AKAIN1: variants seen among roughly 807,000 people sequenced by gnomAD.
AKAIN1 encodes A-kinase anchor protein inhibitor 1.
In AKAIN1, 3 loss-of-function variants were observed where a neutral mutation model predicts 3.7. That is an observed-to-expected ratio of 0.82 (90% CI 0.37 to 2.12). The LOEUF (loss-of-function observed/expected upper bound fraction) is 2.12, where lower values mean the gene tolerates loss of function less well. AKAIN1 is among the 30% of genes most tolerant of loss of function. AKAIN1 has a pLI of 0.06. For missense variants in AKAIN1, 82 were observed against 82.7 expected (o/e 0.99, Z 0.03); for synonymous variants, 31 against 30.8 (o/e 1.01, Z -0.02).
rs2071352272 is a variant in AKAIN1 at position 5,197,043 on chromosome 18, G to A, written c.11C>T (p.Ala4Val). 3 of 1,551,032 alleles carry A rather than the reference G, an allele frequency of 1.9e-6. No homozygotes were observed. In the African/African-American group the frequency reaches 4.1e-5, roughly 21 times the overall value. ...AAAAGCAAGGTGCGGTGTACCTGGA[G>A]CGAACACCATGATTTCTTCCAGCCG... MVF[A>V]PGEKPGNEPE... Residue 4 changes from alanine (A) to valine (V), a missense_variant, in exon 1 of 2, where the codon GCT becomes GTT. Physicochemically the swap from Ala to Val is moderately conservative, Grantham distance 64. Coordinates refer to ENST00000434239, the MANE Select transcript of AKAIN1 (RefSeq NM_001145194.2). The surrounding 1 kb of genome is among the most constrained non-coding windows in gnomAD (Gnocchi z 6.9).
chr18:5,178,128 A>T (rs1053228317), intron 1 of AKAIN1, among the ~76,000 whole-genome samples: 10 of 152,080 alleles, frequency 6.6e-5, no homozygotes, highest in African/African-American at 2.2e-4. Context: ...GTTTTGGAGG[A>T]CTGTACATCA....
chr18:5,159,984 C>A (rs912639651), intron 1 of AKAIN1, among the ~76,000 whole-genome samples: 1 of 152,170 alleles, frequency 6.6e-6, no homozygotes, highest in Non-Finnish European at 1.5e-5. Context: ...AATGAATAGA[C>A]CACAATGTTT....
intron 1 of AKAIN1, among the ~76,000 whole-genome samples, chr18:5,169,025 A>C (rs933470034): frequency 5.9e-5 from 9 of 151,956 alleles, no homozygotes; most frequent in Non-Finnish European, 1.2e-4. Context: ...GTGTTTGTGA[A>C]GGATGGCAAG....
intron 1 of AKAIN1, among the ~76,000 whole-genome samples, chr18:5,149,098 GC>G (rs2071065650): frequency 6.6e-6 from 1 of 152,132 alleles, no homozygotes; most frequent in African/African-American, 2.4e-5. Flanking sequence ...GTTTAGGCTT[GC>G]TCCTAGAAAA....
chr18:5,146,506 C>A (rs1480539545), intron 1 of AKAIN1, among the ~76,000 whole-genome samples: 2 of 152,214 alleles, frequency 1.3e-5, no homozygotes, highest in Non-Finnish European at 2.9e-5. Context: ...GTGTATATAA[C>A]CTCGCTGGGG....
chr18:5,170,649 C>T (rs2071192129), intron 1 of AKAIN1: 1 of 152,134 alleles, frequency 6.6e-6, no homozygotes, highest in African/African-American at 2.4e-5. Flanking sequence ...AGCAATATGC[C>T]TGTTTTCCCA....
intron 1 of AKAIN1, among the ~76,000 whole-genome samples, chr18:5,192,401 C>CTTTCTTTA (rs2071324685): frequency 1.8e-5 from 2 of 110,466 alleles, no homozygotes; most frequent in South Asian, 3.5e-4. Context: ...TTCTTTCTTT[C>CTTTCTTTA]TTTCTTTCTT....
At chr18:5,150,881 C>CA (rs1472409422) in intron 1 of AKAIN1, among the ~76,000 whole-genome samples, 2 of 152,188 alleles carry the variant, frequency 1.3e-5, no homozygotes, top group East Asian at 3.8e-4. Flanking sequence ...ATTTTCCCCC[C>CA]AGAACCTAAG....
intron 1 of AKAIN1, among the ~76,000 whole-genome samples, chr18:5,185,364 G>C (rs1332054946): frequency 6.6e-6 from 1 of 152,042 alleles, no homozygotes; most frequent in Non-Finnish European, 1.5e-5. Context: ...TTAAACTAAA[G>C]AGCTTTTGCG....
At chr18:5,158,813 G>T (rs998486932) in intron 1 of AKAIN1, among the ~76,000 whole-genome samples, 1 of 152,190 alleles carries the variant, frequency 6.6e-6, no homozygotes, top group African/African-American at 2.4e-5. Flanking sequence ...TTGTTTTAGA[G>T]ACACTGGGTT....
At chr18:5,156,391 TTAAC>T (rs1418293855) in intron 1 of AKAIN1, among the ~76,000 whole-genome samples, 3 of 152,170 alleles carry the variant, frequency 2.0e-5, no homozygotes, top group African/African-American at 7.2e-5. Context: ...AGTCTAGAAT[TTAAC>T]TAAATAATCT....
chr18:5,156,513 C>G (rs1029206957), intron 1 of AKAIN1, among the ~76,000 whole-genome samples: 1 of 152,210 alleles, frequency 6.6e-6, no homozygotes, highest in African/African-American at 2.4e-5. Flanking sequence ...CCTTTCTACT[C>G]TCCTTGAAAG....
At chr18:5,158,015 T>C (rs993551795) in intron 1 of AKAIN1, among the ~76,000 whole-genome samples, 3 of 152,148 alleles carry the variant, frequency 2.0e-5, no homozygotes, top group African/African-American at 7.2e-5. Context: ...GACTGTGGTA[T>C]CTTGAACAAG....
chr18:5,150,099 A>G (rs1430955921), intron 1 of AKAIN1, among the ~76,000 whole-genome samples: 1 of 152,352 alleles, frequency 6.6e-6, no homozygotes, highest in Middle Eastern at 3.4e-3. Context: ...GGAAGGAACC[A>G]CTTAGCTCCA....
chr18:5,192,688 T>C (rs2071328681), intron 1 of AKAIN1, among the ~76,000 whole-genome samples: 2 of 151,976 alleles, frequency 1.3e-5, no homozygotes, highest in Non-Finnish European at 1.5e-5. Context: ...GTTGAAGCAC[T>C]CCCAGTGGTC....
At chr18:5,155,702 T>A (rs562174265) in intron 1 of AKAIN1, among the ~76,000 whole-genome samples, 1 of 151,798 alleles carries the variant, frequency 6.6e-6, no homozygotes. Context: ...GATGCAGGAG[T>A]CTGCTATTTA....
Position 5,143,733 on chromosome 18 carries a change from C to G in AKAIN1, c.*1829G>C, listed in dbSNP as rs1162888700. 6.6e-6 allele frequency among the ~76,000 whole-genome samples: 1 copy of G among 152,062 alleles called. No individual in the cohort carries two copies. Among genetic ancestry groups the G allele is most frequent in the East Asian group, 1.9e-4 (1 of 5,194 alleles). On this transcript the variant is annotated 3_prime_UTR_variant, in exon 2 of 2. Transcript: ENST00000434239. ...ATAAATAACATTTAGACACAGAGGT[C>G]AATAAGATGTTCCAAAAATTCCCAA...
intron 1 of AKAIN1, among the ~76,000 whole-genome samples, chr18:5,169,467 A>G (rs1423470433): frequency 6.6e-6 from 1 of 151,952 alleles, no homozygotes; most frequent in Admixed American, 6.6e-5. Context: ...TGAGACCATG[A>G]CAAATATCAT....
rs1411072327 is a variant in AKAIN1, at chr18:5,197,214, G to A, written c.-161C>T. ...CGGACAGCTCCCGCCGCTAGATCCT[G>A]GGGCCGCAGCTCCAGCCGCCGCCGC... On this transcript the variant is annotated 5_prime_UTR_variant, in exon 1 of 2. Coordinates refer to ENST00000434239, the MANE Select transcript of AKAIN1 (RefSeq NM_001145194.2). The surrounding 1 kb of genome is among the most constrained non-coding windows in gnomAD (Gnocchi z 6.9). 1 of 1,396,670 alleles carries A rather than the reference G, an allele frequency of 7.2e-7. No homozygotes were observed. The highest frequency in any genetic ancestry group is 2.9e-5 in the East Asian group (1 of 34,566). The allele number at this position is 1,396,670 out of a possible 1,614,324, so 86.5% of individuals were successfully genotyped here.
Sources: gnomAD v4.1 joint callset for allele counts (sites outside exome capture counted in the v4.1 genomes callset) on GRCh38, gnomAD v4.1.1 for gene constraint, Gnocchi (gnomAD v3.1) non-coding constraint, MANE v1.5 for transcripts, NCBI Gene and HGNC (gene_info 2026-07-23, HGNC 2026-07-21) for gene names.